The following CD226 variants were observed in gnomAD, a reference collection of about 807,000 sequenced individuals.
CD226 encodes CD226 antigen.
In CD226, 24 loss-of-function variants were observed where a neutral mutation model predicts 34.9. The observed-to-expected ratio is 0.69, with a 90% confidence interval of 0.50 to 0.97. CD226 has a LOEUF of 0.97. Ranked by LOEUF, CD226 falls within the 50% of genes least tolerant of loss-of-function variation. CD226 has a pLI of 0.00. For synonymous variants in CD226, 148 were observed against 147.4 expected (o/e 1.00, Z -0.03); for missense variants, 397 against 412.7 (o/e 0.96, Z 0.33).
intron 1 of CD226, among the ~76,000 whole-genome samples, chr18:69,954,105 G>A (rs574241386): frequency 6.6e-6 from 1 of 151,956 alleles, no homozygotes; most frequent in East Asian, 1.9e-4. Context: ...TGAATAGTAT[G>A]AGTCCACATT....
rs765504748 is a variant in CD226, at chr18:69,946,813, A to G, written c.303T>C (p.Asp101=). The G allele has an allele frequency of 7.4e-6, 12 of 1,614,066 alleles. No individual in the cohort carries two copies. Among genetic ancestry groups the G allele is most frequent in the South Asian group, 2.2e-5 (2 of 91,094 alleles). ...MTLFFRNASE[D]DVGYYSCSLY... ...GAGAGCAGGAATAGTAGCCAACATC[A>G]TCTTCAGAGGCATTCCGAAAGAAAA... is the stretch of plus-strand genomic sequence containing the variant. Residue 101 remains aspartate, a synonymous_variant, in exon 2 of 6, where the codon GAT becomes GAC. Transcript: ENST00000582621.
At chr18:69,952,940 T>C (rs186381633) in intron 1 of CD226, among the ~76,000 whole-genome samples, 1 of 152,322 alleles carries the variant, frequency 6.6e-6, no homozygotes. Context: ...AGTACTTGAA[T>C]AGACATTTTT....
chr18:69,878,162 G>A (rs1983992536), intron 3 of CD226, among the ~76,000 whole-genome samples: 1 of 152,100 alleles, frequency 6.6e-6, no homozygotes, highest in Non-Finnish European at 1.5e-5. Flanking sequence ...TCTTTAAAAA[G>A]GAAGCCCTTT....
intron 2 of CD226, 133 bp downstream of exon 2, chr18:69,946,601 G>A: frequency 1.5e-6 from 1 of 650,456 alleles, no homozygotes; most frequent in Non-Finnish European, 2.6e-6. Context: ...TAACATCAAA[G>A]CATCTAGAAA....
chr18:69,931,415 A>G (rs924333876), intron 2 of CD226, among the ~76,000 whole-genome samples: 3 of 152,162 alleles, frequency 2.0e-5, no homozygotes, highest in Non-Finnish European at 2.9e-5. Flanking sequence ...AAAAGAAAGT[A>G]ATGACAGGAA....
At chr18:69,874,742 G>A (rs1022175282) in intron 3 of CD226, among the ~76,000 whole-genome samples, 2 of 151,922 alleles carry the variant, frequency 1.3e-5, no homozygotes, top group African/African-American at 4.8e-5. Flanking sequence ...AAACTTTACT[G>A]CAAAGAGAAA....
At position 69,923,764 on chromosome 18, in the gene CD226, T is replaced by C. The variant is rs567853522; in HGVS notation, c.382+22970A>G. Reference sequence around the variant, plus strand: ...GTCAGGAGATCGAGACCATCCCGGCTAAAAACGGTGAAACCCCGTCTCTAC... The same window carrying C: ...GTCAGGAGATCGAGACCATCCCGGCCAAAAACGGTGAAACCCCGTCTCTAC... On this transcript the variant is annotated intron_variant, in intron 2 of 5. Transcript: ENST00000582621. Among the ~76,000 whole-genome samples the C allele has an allele frequency of 5.3e-5, 8 of 151,916 alleles. No individual in the cohort carries two copies. In the East Asian group the frequency reaches 1.6e-3, roughly 29 times the overall value.
chr18:69,920,309 A>C (rs1384461759), intron 2 of CD226, among the ~76,000 whole-genome samples: 3 of 152,208 alleles, frequency 2.0e-5, no homozygotes, highest in African/African-American at 7.2e-5. Context: ...AAAAGACTAG[A>C]GGTCTCTTTG....
At chr18:69,931,179 C>A (rs1469125846) in intron 2 of CD226, among the ~76,000 whole-genome samples, 1 of 151,540 alleles carries the variant, frequency 6.6e-6, no homozygotes, top group Admixed American at 6.6e-5. Context: ...GGGAATTGAA[C>A]AATGAGAACA....
intron 2 of CD226, among the ~76,000 whole-genome samples, chr18:69,938,274 C>T (rs1465837628): frequency 2.6e-5 from 4 of 152,178 alleles, no homozygotes; most frequent in Admixed American, 6.5e-5. Flanking sequence ...CAATAATTCA[C>T]CTGTTCACTT....
In CD226 at chr18:69,858,112, T is replaced by C. The variant is rs1982663232; in HGVS notation, c.*6202A>G. On this transcript the variant is annotated 3_prime_UTR_variant, in exon 6 of 6. Transcript: ENST00000582621. ...GTCAATAGTGTTACTAAAAATGAAC[T>C]ATCGGCCATTATTGCAAAACTGCCA... The C allele has an allele frequency of 1.3e-5, 2 of 152,234 alleles. No individual in the cohort carries two copies. Among genetic ancestry groups the C allele is most frequent in the South Asian group, 4.1e-4 (2 of 4,828 alleles). The allele number at this position is 152,234 out of a possible 1,614,324, so 9.4% of individuals were successfully genotyped here.
intron 3 of CD226, among the ~76,000 whole-genome samples, chr18:69,877,464 G>A (rs1224062082): frequency 1.3e-5 from 2 of 152,122 alleles, no homozygotes; most frequent in South Asian, 2.1e-4. Flanking sequence ...GCTTCATTAC[G>A]TAGGTATGAC....
chr18:69,854,356 G>A lies in CD226; in HGVS notation c.*9958C>T. 1 of 152,248 alleles carries A rather than the reference G, an allele frequency of 6.6e-6. No homozygotes were observed. Among genetic ancestry groups the A allele is most frequent in the Non-Finnish European group, 1.5e-5 (1 of 68,096 alleles). The allele number at this position is 152,248 out of a possible 1,614,324, so 9.4% of individuals were successfully genotyped here. Reference sequence around the variant, plus strand: ...TATATGGTAAGTTGGGTGAATTGCTGGCATCTGTTTGTGGACTGGTGTGAG... The same window carrying A: ...TATATGGTAAGTTGGGTGAATTGCTAGCATCTGTTTGTGGACTGGTGTGAG... On this transcript the variant is annotated 3_prime_UTR_variant, in exon 6 of 6. Coordinates refer to ENST00000582621, the MANE Select transcript of CD226 (RefSeq NM_001303618.2).
chr18:69,900,993 A>G (rs965331765), intron 2 of CD226, among the ~76,000 whole-genome samples: 2 of 152,172 alleles, frequency 1.3e-5, no homozygotes, highest in African/African-American at 4.8e-5. Flanking sequence ...ATGTTTCCAC[A>G]GTACCACCTT....
intron 5 of CD226, among the ~76,000 whole-genome samples, chr18:69,866,002 T>C (rs1983118096): frequency 8.0e-6 from 1 of 124,772 alleles, no homozygotes; most frequent in South Asian, 3.2e-4. Context: ...ATTAAGAAAA[T>C]ATTTTCCTAA....
At chr18:69,891,017 CAAA>C (rs60491291) in intron 3 of CD226, among the ~76,000 whole-genome samples, 1 of 110,874 alleles carries the variant, frequency 9.0e-6, no homozygotes. Flanking sequence ...AAAGACACCA[CAAA>C]AAAAAAAAAA....
At chr18:69,948,248 T>C (rs752961912), upstream of CD226, among the ~76,000 whole-genome samples, 43 of 152,194 alleles carry the variant, frequency 2.8e-4, no homozygotes, top group Admixed American at 5.2e-4. Flanking sequence ...CTTTCTCTTA[T>C]AAAATACAAG....
At chr18:69,953,711 T>C (rs2055872846) in intron 1 of CD226, among the ~76,000 whole-genome samples, 1 of 152,160 alleles carries the variant, frequency 6.6e-6, no homozygotes, top group South Asian at 2.1e-4. Flanking sequence ...TTAAAATATT[T>C]AATCTTGACC....
At chr18:69,942,731 G>A (rs1001811909) in intron 2 of CD226, among the ~76,000 whole-genome samples, 1 of 152,130 alleles carries the variant, frequency 6.6e-6, no homozygotes, top group African/African-American at 2.4e-5. Context: ...CCACCTCTGT[G>A]GGTGTAGGGG....
Sources: allele counts gnomAD v4.1 joint callset (sites outside exome capture counted in the v4.1 genomes callset), GRCh38; gene constraint gnomAD v4.1.1; transcripts MANE v1.5; gene names NCBI Gene and HGNC (gene_info 2026-07-23, HGNC 2026-07-21).